The following SAXO1 variants were observed in gnomAD, a reference collection of about 807,000 sequenced individuals.
SAXO1 encodes 4930500O09Rik.
A neutral mutation model predicts 17.5 loss-of-function variants in SAXO1; 21 were observed. That is an observed-to-expected ratio of 1.20 (90% CI 0.85 to 1.72). The LOEUF (loss-of-function observed/expected upper bound fraction) is 1.72, where lower values mean the gene tolerates loss of function less well. Ranked by LOEUF, SAXO1 falls within the 40% of genes most tolerant of loss-of-function variation. SAXO1 has a pLI of 0.00. For synonymous variants in SAXO1, 274 were observed against 216.5 expected (o/e 1.27, Z -2.33); for missense variants, 843 against 596.0 (o/e 1.41, Z -4.32).
chr9:19,038,549 T>C (rs1835999777), intron 1 of SAXO1, among the ~76,000 whole-genome samples: 2 of 135,716 alleles, frequency 1.5e-5, no homozygotes, highest in Non-Finnish European at 1.5e-5. Context: ...TAGATGGGAA[T>C]TGAACAATGA....
chr9:19,003,832 G>A (rs1434590232), intron 1 of SAXO1, among the ~76,000 whole-genome samples: 2 of 152,106 alleles, frequency 1.3e-5, no homozygotes, highest in African/African-American at 4.8e-5. Context: ...ACATAGGCAA[G>A]GGCAAAGACT....
At position 19,009,282 on chromosome 9, in the gene SAXO1, G is replaced by C. The variant is rs531785667; in HGVS notation, c.38+23589C>G. Among the ~76,000 whole-genome samples the C allele has an allele frequency of 2.0e-5, 3 of 152,164 alleles. No homozygotes were observed. The East Asian group carries it at 5.8e-4, about 29-fold the overall frequency. On this transcript the variant is annotated intron_variant, in intron 1 of 3. Transcript: ENST00000380534. ...TTTAATCCCAGCAGAGCTAAGAAAGGTAAAAAGGGAGTTTCAAAACTAAGT... is the reference window on the plus strand; with the variant it reads ...TTTAATCCCAGCAGAGCTAAGAAAGCTAAAAAGGGAGTTTCAAAACTAAGT...
intron 1 of SAXO1, among the ~76,000 whole-genome samples, chr9:18,981,540 T>C (rs1833384419): frequency 1.3e-5 from 2 of 152,116 alleles, no homozygotes; most frequent in Admixed American, 1.3e-4. Context: ...ATCAATGTCA[T>C]ACTAGTGATT....
chr9:18,991,219 C>T lies in SAXO1; in HGVS notation c.39-40282G>A, dbSNP rs141525082. 9.2e-4 allele frequency among the ~76,000 whole-genome samples: 140 copies of T among 152,284 alleles called. No homozygotes were observed. In the East Asian group the frequency reaches 0.016, roughly 18 times the overall value. ...GTCATAGTGAGCCAAGATTGCACCA[C>T]TACACTCCTCCAGCCTGGGTGACAG... On this transcript the variant is annotated intron_variant, in intron 1 of 3. Coordinates refer to ENST00000380534, the MANE Select transcript of SAXO1 (RefSeq NM_153707.4).
At chr9:19,026,239 GT>G (rs1835466780) in intron 1 of SAXO1, among the ~76,000 whole-genome samples, 1 of 152,100 alleles carries the variant, frequency 6.6e-6, no homozygotes, top group African/African-American at 2.4e-5. Context: ...CAATCATTAT[GT>G]ATCAATTTTT....
intron 1 of SAXO1, among the ~76,000 whole-genome samples, chr9:19,038,648 C>T (rs1486625267): frequency 6.6e-6 from 1 of 150,758 alleles, no homozygotes; most frequent in Non-Finnish European, 1.5e-5. Flanking sequence ...AGGGATATAC[C>T]TAATGCTAAA....
At chr9:19,006,824 T>C (rs931934781) in intron 1 of SAXO1, among the ~76,000 whole-genome samples, 1 of 152,118 alleles carries the variant, frequency 6.6e-6, no homozygotes, top group African/African-American at 2.4e-5. Context: ...GGCAGGAGTA[T>C]CACTTGAGGT....
At chr9:18,994,124 C>T (rs1588496304) in intron 1 of SAXO1, among the ~76,000 whole-genome samples, 1 of 152,152 alleles carries the variant, frequency 6.6e-6, no homozygotes, top group South Asian at 2.1e-4. Flanking sequence ...AAACAGGTTA[C>T]TGTAGCCAAA....
At chr9:18,961,356 T>C (rs1832474742) in intron 1 of SAXO1, among the ~76,000 whole-genome samples, 3 of 152,146 alleles carry the variant, frequency 2.0e-5, no homozygotes, top group Non-Finnish European at 2.9e-5. Flanking sequence ...TGTTTTATTA[T>C]ACTTTAAGTT....
intron 1 of SAXO1, among the ~76,000 whole-genome samples, chr9:18,956,248 C>T (rs926921313): frequency 3.3e-5 from 5 of 151,798 alleles, no homozygotes; most frequent in African/African-American, 1.2e-4. Context: ...CCATGACCAG[C>T]ATCAACTTTC....
chr9:18,961,142 G>C (rs79616513), intron 1 of SAXO1, among the ~76,000 whole-genome samples: 1,593 of 151,890 alleles, frequency 0.01, 25 homozygotes, highest in African/African-American at 0.033. Context: ...AATTTTGCTT[G>C]ATCTCTTATT....
intron 1 of SAXO1, among the ~76,000 whole-genome samples, chr9:18,987,311 A>G (rs1399833632): frequency 3.3e-5 from 5 of 152,220 alleles, no homozygotes; most frequent in African/African-American, 1.2e-4. Context: ...ACAAACTCCA[A>G]GATGACAGAA....
chr9:19,039,298 A>G (rs1836018520), intron 1 of SAXO1, among the ~76,000 whole-genome samples: 1 of 152,350 alleles, frequency 6.6e-6, no homozygotes, highest in Middle Eastern at 3.4e-3. Context: ...GCTTTATTTA[A>G]TGCGCTGTGG....
In SAXO1 at chr9:18,955,886, T is replaced by C. The variant is rs553526703; in HGVS notation, c.39-4949A>G. ...TCTGCTCAGAGTGTGCATGAGATTA[T>C]GTCCCCACCTCTTCTTCTACTGCAC... On this transcript the variant is annotated intron_variant, in intron 1 of 3. Transcript: ENST00000380534. 3.4e-4 allele frequency among the ~76,000 whole-genome samples: 51 copies of C among 152,170 alleles called. 1 individual carries two copies. The highest frequency in any genetic ancestry group is 1.1e-3 in the African/African-American group (47 of 41,522).
chr9:19,027,910 T>C, intron 1 of SAXO1: 2 of 1,381,794 alleles, frequency 1.4e-6, no homozygotes, highest in South Asian at 1.2e-5. Context: ...GCCAGAATCA[T>C]GCAGATCCAC....
intron 1 of SAXO1, among the ~76,000 whole-genome samples, chr9:19,001,190 G>A (rs567598217): frequency 1.3e-5 from 2 of 152,310 alleles, no homozygotes; most frequent in South Asian, 4.1e-4. Context: ...ATAGTTGGAA[G>A]TAAAGCACTC....
At chr9:18,975,275 G>T (rs1328244490) in intron 1 of SAXO1, among the ~76,000 whole-genome samples, 1 of 151,306 alleles carries the variant, frequency 6.6e-6, no homozygotes, top group East Asian at 1.9e-4. Flanking sequence ...AGGATAAATG[G>T]TTCTGGACAG....
At chr9:19,013,694 G>C in intron 1 of SAXO1, among the ~76,000 whole-genome samples, 1 of 151,892 alleles carries the variant, frequency 6.6e-6, no homozygotes, top group Non-Finnish European at 1.5e-5. Context: ...TTACAGGCGT[G>C]CATCACCATG....
At chr9:19,007,171 A>AC (rs1452642281) in intron 1 of SAXO1, among the ~76,000 whole-genome samples, 1 of 151,852 alleles carries the variant, frequency 6.6e-6, no homozygotes, top group African/African-American at 2.4e-5. Flanking sequence ...ACATGGTGAA[A>AC]CCCCATCTCT....
Sources: allele counts gnomAD v4.1 joint callset (sites outside exome capture counted in the v4.1 genomes callset), GRCh38; gene constraint gnomAD v4.1.1; transcripts MANE v1.5; gene names NCBI Gene and HGNC (gene_info 2026-07-23, HGNC 2026-07-21).